Variants in ACKR2 observed in about 807,000 individuals in gnomAD.
ACKR2 encodes C-C chemokine receptor D6.
For missense variants in ACKR2, 457 were observed against 477.3 expected, an observed-to-expected ratio of 0.96 and a Z score of 0.40; for synonymous variants, 207 against 192.2, an observed-to-expected ratio of 1.08 and a Z score of -0.64.
chr3:42,824,532 ATGAATCTATT>A (rs1179374331), intron 2 of ACKR2, among the ~76,000 whole-genome samples: 1 of 151,970 alleles, frequency 6.6e-6, no homozygotes. Context: ...CCCCTGCCCC[ATGAATCTATT>A]TTGGGTATTT....
intron 2 of ACKR2, among the ~76,000 whole-genome samples, chr3:42,863,224 AT>A (rs2088401943): frequency 6.6e-6 from 1 of 152,264 alleles, no homozygotes; most frequent in Admixed American, 6.5e-5. Flanking sequence ...AAAAGAAGAC[AT>A]TTATGCAGTC....
At position 42,860,192 on chromosome 3, in the gene ACKR2, A is replaced by G. The variant is rs548888337; in HGVS notation, c.-37-4274A>G. Among the ~76,000 whole-genome samples, 792 of 146,734 alleles carry G rather than the reference A, an allele frequency of 5.4e-3. 15 individuals are homozygous for G. In the South Asian group the frequency reaches 0.059, roughly 11 times the overall value. On this transcript the variant is annotated intron_variant, in intron 2 of 2. Coordinates refer to ENST00000422265, the MANE Select transcript of ACKR2 (RefSeq NM_001296.5). ...AAAAAAAAAAAAAAAAAAAAAAAGCAGGGGATGCAATCCTAGTCTCTGATA... is the reference window on the plus strand; with the variant it reads ...AAAAAAAAAAAAAAAAAAAAAAAGCGGGGGATGCAATCCTAGTCTCTGATA...
At chr3:42,853,725 T>C (rs377433573) in intron 2 of ACKR2, among the ~76,000 whole-genome samples, 71 of 152,210 alleles carry the variant, frequency 4.7e-4, no homozygotes, top group African/African-American at 1.3e-3. Context: ...GGGCTAATAA[T>C]AGTATTTACT....
chr3:42,817,783 A>G (rs1041720860), intron 1 of ACKR2, among the ~76,000 whole-genome samples: 1 of 152,202 alleles, frequency 6.6e-6, no homozygotes, highest in Non-Finnish European at 1.5e-5. Context: ...ATAGTAAAGG[A>G]CATAATTCAA....
intron 2 of ACKR2, among the ~76,000 whole-genome samples, chr3:42,845,326 A>G (rs914753812): frequency 3.9e-5 from 6 of 152,236 alleles, no homozygotes; most frequent in African/African-American, 1.4e-4. Context: ...CTGTTTGAGC[A>G]GAAGAAAAGT....
chr3:42,843,468 G>A (rs1199342977), intron 2 of ACKR2, among the ~76,000 whole-genome samples: 3 of 151,964 alleles, frequency 2.0e-5, no homozygotes, highest in Non-Finnish European at 4.4e-5. Flanking sequence ...TTTTTTTCAG[G>A]TGTGTGTATG....
Position 42,859,976 on chromosome 3 carries a change from C to T in ACKR2, c.-37-4490C>T, listed in dbSNP as rs1321739429. On this transcript the variant is annotated intron_variant, in intron 2 of 2. Transcript: ENST00000422265. ...AGCATCATAATGACAGAATCAAATT[C>T]ACGCATAACAATATTAACCTTAAAT... 2.0e-5 allele frequency among the ~76,000 whole-genome samples: 3 copies of T among 151,664 alleles called. No individual in the cohort carries two copies. In the East Asian group the frequency reaches 5.8e-4, roughly 29 times the overall value.
chr3:42,861,227 A>G (rs1177221436), intron 2 of ACKR2, among the ~76,000 whole-genome samples: 3 of 152,224 alleles, frequency 2.0e-5, no homozygotes, highest in Non-Finnish European at 2.9e-5. Context: ...AGAGAATACT[A>G]TAAACACCTC....
chr3:42,821,414 T>A (rs749184062), intron 2 of ACKR2, among the ~76,000 whole-genome samples: 2 of 152,192 alleles, frequency 1.3e-5, no homozygotes, highest in Non-Finnish European at 2.9e-5. Context: ...CACTTCCATT[T>A]CCTACGTGCA....
intron 2 of ACKR2, among the ~76,000 whole-genome samples, chr3:42,846,692 G>A (rs1701101170): frequency 6.6e-6 from 1 of 152,178 alleles, no homozygotes; most frequent in South Asian, 2.1e-4. Flanking sequence ...CTCAGGTGGT[G>A]GAGTCTTTGT....
chr3:42,851,372 T>C lies in ACKR2; in HGVS notation c.-37-13094T>C, dbSNP rs932123871. 3 of 985,340 alleles carry C rather than the reference T, an allele frequency of 3.0e-6. No homozygotes were observed. In the African/African-American group the frequency reaches 5.2e-5, roughly 17 times the overall value. 61.0% of individuals were successfully genotyped at this position (985,340 alleles called of 1,614,324 possible). ...GAAAGGAATTACACTCTGTCTGCACTTCCCTGAGGAAGAGGCACCTGGCGC... is the reference window on the plus strand; with the variant it reads ...GAAAGGAATTACACTCTGTCTGCACCTCCCTGAGGAAGAGGCACCTGGCGC... On this transcript the variant is annotated intron_variant, in intron 2 of 2. Coordinates refer to ENST00000422265, the MANE Select transcript of ACKR2 (RefSeq NM_001296.5).
intron 2 of ACKR2, among the ~76,000 whole-genome samples, chr3:42,843,348 G>C (rs1415267984): frequency 6.6e-6 from 1 of 152,126 alleles, no homozygotes; most frequent in African/African-American, 2.4e-5. Flanking sequence ...GGGATTGCAG[G>C]CATGAGCCAC....
intron 2 of ACKR2, among the ~76,000 whole-genome samples, chr3:42,825,988 G>C (rs574691688): frequency 4.4e-4 from 67 of 151,072 alleles, no homozygotes; most frequent in Admixed American, 1.1e-3. Flanking sequence ...CATCTGTTAA[G>C]GTGATCATGT....
intron 2 of ACKR2, among the ~76,000 whole-genome samples, chr3:42,822,937 T>C (rs530673569): frequency 6.6e-6 from 1 of 152,290 alleles, no homozygotes; most frequent in South Asian, 2.1e-4. Context: ...CTCAGGCTTG[T>C]GTCTCTTCCC....
Position 42,865,127 on chromosome 3 carries a change from T to C in ACKR2, c.625T>C (p.Phe209Leu). The change falls in exon 3 of 3, where the codon TTC (phenylalanine) becomes CTC (leucine). Residue 209 changes from phenylalanine (F) to leucine (L), a missense_variant. Phe to Leu is a conservative substitution (Grantham distance 22). Coordinates refer to ENST00000422265, the MANE Select transcript of ACKR2 (RefSeq NM_001296.5). ...CGGGCATGGGACCATTTGGAAGCTCTTCCTCCGCTTCCAGCAGAACCTCCT... is the reference window on the plus strand; with the variant it reads ...CGGGCATGGGACCATTTGGAAGCTCCTCCTCCGCTTCCAGCAGAACCTCCT... ...FGGHGTIWKL[F>L]LRFQQNLLGF... 6.2e-7 allele frequency: 1 copy of C among 1,614,032 alleles called. No homozygotes were observed. The highest frequency in any genetic ancestry group is 8.5e-7 in the Non-Finnish European group (1 of 1,179,958).
intron 2 of ACKR2, among the ~76,000 whole-genome samples, chr3:42,861,230 A>G (rs1413998776): frequency 1.3e-5 from 2 of 152,132 alleles, no homozygotes; most frequent in East Asian, 3.8e-4. Flanking sequence ...GAATACTATA[A>G]ACACCTCTAC....
intron 2 of ACKR2, among the ~76,000 whole-genome samples, chr3:42,827,473 A>T (rs1000527010): frequency 2.6e-5 from 4 of 152,178 alleles, no homozygotes; most frequent in Non-Finnish European, 5.9e-5. Flanking sequence ...TCTCCATATC[A>T]CTGAAACCTT....
In ACKR2 at chr3:42,864,738, G is replaced by A. The variant is rs866153853; in HGVS notation, c.236G>A (p.Arg79Gln). The change falls in exon 3 of 3, where the codon CGG (arginine) becomes CAG (glutamine). Residue 79 changes from arginine to glutamine, a missense_variant. Transcript: ENST00000422265. Reference sequence around the variant, plus strand: ...TTGCTCCGTTACGTGCCTCGCAGGCGGATGGTTGAGATCTATCTGCTGAAT... The same window carrying A: ...TTGCTCCGTTACGTGCCTCGCAGGCAGATGGTTGAGATCTATCTGCTGAAT... ...MVLLRYVPRR[R>Q]MVEIYLLNLA... is the part of the protein sequence containing the mutation. 4.3e-6 allele frequency: 7 copies of A among 1,614,048 alleles called. No individual in the cohort carries two copies. Among genetic ancestry groups the A allele is most frequent in the Middle Eastern group, 1.6e-4 (1 of 6,084 alleles).
At chr3:42,837,664 C>T (rs1443039236) in intron 2 of ACKR2, among the ~76,000 whole-genome samples, 2 of 152,156 alleles carry the variant, frequency 1.3e-5, no homozygotes, top group African/African-American at 4.8e-5. Flanking sequence ...TCCACTCATA[C>T]TCTCATGCTG....
Sources: gnomAD v4.1 joint callset for allele counts (sites outside exome capture counted in the v4.1 genomes callset) on GRCh38, gnomAD v4.1.1 for gene constraint, MANE v1.5 for transcripts, NCBI Gene and HGNC (gene_info 2026-07-23, HGNC 2026-07-21) for gene names.